ANKS1B: variants seen among roughly 807,000 people sequenced by gnomAD.
The protein encoded by ANKS1B is ankyrin repeat and sterile alpha motif domain containing 1B, also known as ankyrin repeat and sterile alpha motif domain-containing protein 1B.
Under a neutral mutation model 148.3 loss-of-function variants are expected in ANKS1B, and 36 were observed. The ratio of observed to expected loss-of-function variants is 0.24; its 90% CI spans 0.19 to 0.32. The LOEUF is 0.32. Ranked by LOEUF, ANKS1B falls within the 10% of genes least tolerant of loss-of-function variation. ANKS1B has a pLI of 1.00. For synonymous variants in ANKS1B, 542 were observed against 560.8 expected (o/e 0.97, Z 0.47); for missense variants, 1,157 against 1,542.6 (o/e 0.75, Z 4.19).
At chr12:99,850,938 A>G (rs768634870) in intron 1 of ANKS1B, among the ~76,000 whole-genome samples, 15 of 152,142 alleles carry the variant, frequency 9.9e-5, no homozygotes, top group African/African-American at 2.4e-4. Flanking sequence ...GAGAAATTCA[A>G]TAACATGCTC....
chr12:99,300,911 A>G (rs1269569584), intron 12 of ANKS1B, among the ~76,000 whole-genome samples: 1 of 152,184 alleles, frequency 6.6e-6, no homozygotes, highest in East Asian at 1.9e-4. Context: ...AGAGATATAA[A>G]AGAGGATATT....
At chr12:99,416,720 A>C (rs1359112815) in intron 11 of ANKS1B, among the ~76,000 whole-genome samples, 1 of 152,142 alleles carries the variant, frequency 6.6e-6, no homozygotes, top group Non-Finnish European at 1.5e-5. Flanking sequence ...GAGTTTTGAG[A>C]GTGCTTTATA....
intron 9 of ANKS1B, among the ~76,000 whole-genome samples, chr12:99,625,177 A>T (rs970603339): frequency 6.6e-6 from 1 of 152,084 alleles, no homozygotes; most frequent in Non-Finnish European, 1.5e-5. Context: ...TCTTCTCATA[A>T]AGCGGGAGTT....
At chr12:99,745,592 T>C (rs2060519022) in intron 8 of ANKS1B, among the ~76,000 whole-genome samples, 1 of 152,166 alleles carries the variant, frequency 6.6e-6, no homozygotes, top group African/African-American at 2.4e-5. Context: ...AGCACTAAAA[T>C]CATTTTTAAT....
chr12:98,869,332 A>T (rs1281729727), intron 17 of ANKS1B, among the ~76,000 whole-genome samples: 1 of 152,134 alleles, frequency 6.6e-6, no homozygotes, highest in Non-Finnish European at 1.5e-5. Flanking sequence ...TTCAAGAGTG[A>T]GCTGCTCCCC....
intron 17 of ANKS1B, among the ~76,000 whole-genome samples, chr12:98,904,743 C>A (rs551113661): frequency 6.6e-6 from 1 of 152,182 alleles, no homozygotes; most frequent in South Asian, 2.1e-4. Flanking sequence ...GAAGTGCATT[C>A]CAGTGGAATA....
chr12:99,509,108 A>T (rs1227152905), intron 9 of ANKS1B, among the ~76,000 whole-genome samples: 6 of 151,846 alleles, frequency 4.0e-5, no homozygotes, highest in Non-Finnish European at 7.4e-5. Flanking sequence ...CAGTGAACTT[A>T]ATGCATAAGT....
rs148251238 is a variant in ANKS1B, at chr12:98,985,269, C to T, written c.2778+67888G>A. ...CTGGAACTACAGTTATGTACCACTG[C>T]TCCTGGCTAATTAAAAAATTTTTTT... On this transcript the variant is annotated intron_variant, in intron 17 of 26. Coordinates refer to ENST00000683438, the MANE Select transcript of ANKS1B (RefSeq NM_001352186.2). Among the ~76,000 whole-genome samples, 6 of 152,196 alleles carry T rather than the reference C, an allele frequency of 3.9e-5. No individual in the cohort carries two copies. The East Asian group carries it at 1.2e-3, about 29-fold the overall frequency.
At chr12:99,498,340 G>A (rs2096623479) in intron 10 of ANKS1B, among the ~76,000 whole-genome samples, 3 of 152,110 alleles carry the variant, frequency 2.0e-5, no homozygotes, top group Admixed American at 2.0e-4. Context: ...TTCTACCCTA[G>A]TATCATTCTA....
chr12:98,885,013 C>G (rs1239044323), intron 17 of ANKS1B, among the ~76,000 whole-genome samples: 1 of 152,066 alleles, frequency 6.6e-6, no homozygotes. Context: ...GTTCATCATC[C>G]ACTCAGTTGC....
intron 17 of ANKS1B, among the ~76,000 whole-genome samples, chr12:98,901,332 A>G (rs2099771681): frequency 1.3e-5 from 2 of 152,312 alleles, no homozygotes; most frequent in African/African-American, 2.4e-5. Flanking sequence ...ATTATCTTCA[A>G]TGAGGCTCAC....
chr12:99,669,318 G>C (rs1271929864), intron 8 of ANKS1B, among the ~76,000 whole-genome samples: 1 of 152,026 alleles, frequency 6.6e-6, no homozygotes, highest in African/African-American at 2.4e-5. Flanking sequence ...CTACAGGAAT[G>C]TCCCACCACA....
chr12:99,387,874 T>TTTTTTTTTTTTTTTTTTTTTTTTGAG (rs1310198385), intron 12 of ANKS1B, among the ~76,000 whole-genome samples: 7 of 151,866 alleles, frequency 4.6e-5, no homozygotes, highest in Non-Finnish European at 7.4e-5. Context: ...AATTGTAATT[T>TTTTTTTTTTTTTTTTTTTTTTTTGAG]ACCAAGTAGA....
At chr12:99,006,697 G>T (rs1487923586) in intron 17 of ANKS1B, among the ~76,000 whole-genome samples, 1 of 152,218 alleles carries the variant, frequency 6.6e-6, no homozygotes, top group Non-Finnish European at 1.5e-5. Context: ...TTGGCTTTGA[G>T]ATATGCCTGT....
chr12:99,301,016 C>G (rs1181982811), intron 12 of ANKS1B, among the ~76,000 whole-genome samples: 2 of 152,156 alleles, frequency 1.3e-5, no homozygotes, highest in African/African-American at 4.8e-5. Flanking sequence ...GTGTGTACTT[C>G]AGCCTGAGTC....
At chr12:98,902,292 C>T (rs1436251780) in intron 17 of ANKS1B, among the ~76,000 whole-genome samples, 2 of 152,216 alleles carry the variant, frequency 1.3e-5, no homozygotes, top group African/African-American at 2.4e-5. Flanking sequence ...GAGTCAGTTT[C>T]ATCTGTACAG....
At chr12:98,842,386 T>G (rs1404808977) in intron 17 of ANKS1B, among the ~76,000 whole-genome samples, 1 of 152,114 alleles carries the variant, frequency 6.6e-6, no homozygotes, top group East Asian at 1.9e-4. Flanking sequence ...TAAAACTATA[T>G]GTACAGAAAA....
rs905483465 is a variant in ANKS1B at position 98,894,015 on chromosome 12, C to T, written c.2779-61879G>A. ...TGGAATTTCGCTGGAAACACTGACCCGACCTTCACCGAAGCAGCAAATCGC... is the reference window on the plus strand; with the variant it reads ...TGGAATTTCGCTGGAAACACTGACCTGACCTTCACCGAAGCAGCAAATCGC... On this transcript the variant is annotated intron_variant, in intron 17 of 26. Coordinates refer to ENST00000683438, the MANE Select transcript of ANKS1B (RefSeq NM_001352186.2). 2.0e-5 allele frequency among the ~76,000 whole-genome samples: 3 copies of T among 152,186 alleles called. No homozygotes were observed. The South Asian group carries it at 6.2e-4, about 32-fold the overall frequency.
intron 9 of ANKS1B, among the ~76,000 whole-genome samples, chr12:99,624,236 C>A (rs2098087368): frequency 6.6e-6 from 1 of 151,978 alleles, no homozygotes; most frequent in Non-Finnish European, 1.5e-5. Context: ...CTACTTTTCA[C>A]CATAAAACAA....
Sources: allele counts gnomAD v4.1 joint callset (sites outside exome capture counted in the v4.1 genomes callset), GRCh38; gene constraint gnomAD v4.1.1; transcripts MANE v1.5; gene names NCBI Gene and HGNC (gene_info 2026-07-23, HGNC 2026-07-21).